Variants in CCDC174 observed in about 807,000 individuals in gnomAD.
CCDC174 encodes the protein coiled-coil domain containing 174, also known as coiled-coil domain-containing protein 174.
CCDC174 carries 37 observed loss-of-function variants against 57.1 expected under a neutral mutation model. That is an observed-to-expected ratio of 0.65 (90% confidence interval 0.50 to 0.85). The LOEUF is 0.85. CCDC174 is among the 40% of genes least tolerant of loss of function. The pLI is 0.00. For missense variants in CCDC174, 540 were observed against 574.3 expected, an observed-to-expected ratio of 0.94 and a Z score of 0.61; for synonymous variants, 182 against 190.2, an observed-to-expected ratio of 0.96 and a Z score of 0.35.
At chr3:14,665,158 T>C in intron 6 of CCDC174, 35 bp downstream of exon 6, 1 of 1,434,816 alleles carries the variant, frequency 7.0e-7, no homozygotes, top group Non-Finnish European at 9.8e-7. Flanking sequence ...TCTGCCAAGG[T>C]CTGAAATGCA....
intron 4 of CCDC174, among the ~76,000 whole-genome samples, 179 bp from the exon 5 acceptor site, chr3:14,661,351 G>A (rs1257302215): frequency 6.6e-6 from 1 of 151,978 alleles, no homozygotes; most frequent in Non-Finnish European, 1.5e-5. Flanking sequence ...ATTTTTTTGT[G>A]TAGTATATGT....
At position 14,670,817 on chromosome 3, in the gene CCDC174, A is replaced by C. The variant is rs149545913; in HGVS notation, c.1106-79A>C. ...TGTGGTGGCTTTTAAGAAATATATGATACAATTAGATAATAGTAACAATAA... is the reference window on the plus strand; with the variant it reads ...TGTGGTGGCTTTTAAGAAATATATGCTACAATTAGATAATAGTAACAATAA... On this transcript the variant is annotated intron_variant, in intron 10 of 10. Coordinates refer to ENST00000383794, the MANE Select transcript of CCDC174 (RefSeq NM_016474.5). 287 of 1,198,294 alleles carry C rather than the reference A, an allele frequency of 2.4e-4. 1 individual carries two copies. In the African/African-American group the frequency reaches 4.1e-3, roughly 17 times the overall value. The allele number at this position is 1,198,294 out of a possible 1,614,324, so 74.2% of individuals were successfully genotyped here.
At position 14,671,001 on chromosome 3, in the gene CCDC174, G is replaced by C. The variant is rs755074520; in HGVS notation, c.1211G>C (p.Gly404Ala). The change falls in exon 11 of 11, where the codon GGT (glycine) becomes GCT (alanine). Residue 404 changes from glycine to alanine, a missense_variant. By Grantham distance (60) the Gly-to-Ala change is moderately conservative. Coordinates refer to ENST00000383794, the MANE Select transcript of CCDC174 (RefSeq NM_016474.5). ...TACTTTGTGGGTCAGAAGAGAACTGGTTTTTCCAGCAGCCAGGCATGGAGC... is the reference window on the plus strand; with the variant it reads ...TACTTTGTGGGTCAGAAGAGAACTGCTTTTTCCAGCAGCCAGGCATGGAGC... The part of the protein sequence containing the change: ...SDYFVGQKRT[G>A]FSSSQAWSRP... 6.2e-7 allele frequency: 1 copy of C among 1,614,184 alleles called. No individual in the cohort carries two copies. The highest frequency in any genetic ancestry group is 1.1e-5 in the South Asian group (1 of 91,082).
At position 14,671,613 on chromosome 3, in the gene CCDC174, A is replaced by G. The variant is rs1404239529; in HGVS notation, c.*419A>G. 1 of 157,620 alleles carries G rather than the reference A, an allele frequency of 6.3e-6. No homozygotes were observed. Among genetic ancestry groups the G allele is most frequent in the Non-Finnish European group, 1.4e-5 (1 of 71,880 alleles). 9.8% of individuals were successfully genotyped at this position (157,620 alleles called of 1,614,324 possible). A position where few individuals can be genotyped will look rare whatever the true frequency, so the allele number is the denominator to read the frequency against. ...CAGATCAGCCGATGGACCATAGGTC[A>G]CGAGGAATTTCTCCCTGTCAAGCAG... On this transcript the variant is annotated 3_prime_UTR_variant, in exon 11 of 11. Transcript: ENST00000383794.
At position 14,671,428 on chromosome 3, in the gene CCDC174, C is replaced by T. The variant is rs892668373; in HGVS notation, c.*234C>T. Reference sequence around the variant, plus strand: ...CCTACCTGGATTTACATGTGAGCTGCGATAGAATAGAAGTATTTATTCTGT... The same window carrying T: ...CCTACCTGGATTTACATGTGAGCTGTGATAGAATAGAAGTATTTATTCTGT... On this transcript the variant is annotated 3_prime_UTR_variant, in exon 11 of 11. Coordinates refer to ENST00000383794, the MANE Select transcript of CCDC174 (RefSeq NM_016474.5). 1.4e-5 allele frequency: 7 copies of T among 507,492 alleles called. No homozygotes were observed. The highest frequency in any genetic ancestry group is 6.2e-5 in the South Asian group (2 of 32,004). The allele number at this position is 507,492 out of a possible 1,614,324, so 31.4% of individuals were successfully genotyped here. A position where few individuals can be genotyped will look rare whatever the true frequency, so the allele number is the denominator to read the frequency against.
At chr3:14,669,890 T>G in intron 9 of CCDC174, 44 bp from the exon 10 acceptor site, 1 of 1,596,528 alleles carries the variant, frequency 6.3e-7, no homozygotes, top group South Asian at 1.1e-5. Context: ...AAAAATAGCT[T>G]TAGGCTTTTT....
At chr3:14,669,858 G>A in intron 9 of CCDC174, 76 bp from the exon 10 acceptor site, 1 of 1,451,422 alleles carries the variant, frequency 6.9e-7, no homozygotes, top group African/African-American at 1.4e-5. Context: ...TTACTTTCAG[G>A]ATTAGCATGT....
chr3:14,665,186 G>T, intron 6 of CCDC174, 63 bp downstream of exon 6: 1 of 1,082,414 alleles, frequency 9.2e-7, no homozygotes, highest in Admixed American at 1.7e-5. Context: ...GGATTGTTTT[G>T]TGAGGGGAGG....
At position 14,670,080 on chromosome 3, in the gene CCDC174, G is replaced by A. The variant is rs950289334; in HGVS notation, c.1099G>A (p.Gly367Arg). 6.8e-6 allele frequency: 11 copies of A among 1,609,010 alleles called. No individual in the cohort carries two copies. The highest frequency in any genetic ancestry group is 1.1e-5 in the South Asian group (1 of 90,058). ...GCCACACATCCGGGAGTGGGACCGC[G>A]GAAAAGGTAAGGGAGGTGGGCTCTG... ...GVPHIREWDR[G>R]KEFSFGYWSK... Residue 367 changes from glycine (G) to arginine (R), a missense_variant, in exon 10 of 11, where the codon GGA becomes AGA. Coordinates refer to ENST00000383794, the MANE Select transcript of CCDC174 (RefSeq NM_016474.5).
intron 4 of CCDC174, among the ~76,000 whole-genome samples, chr3:14,660,132 A>G (rs1369776830): frequency 6.6e-6 from 1 of 152,234 alleles, no homozygotes; most frequent in Non-Finnish European, 1.5e-5. Flanking sequence ...ATGGCCGCCT[A>G]CCAGGAGGCC....
intron 6 of CCDC174, among the ~76,000 whole-genome samples, chr3:14,666,555 C>T (rs1042062614): frequency 1.3e-5 from 2 of 151,042 alleles, no homozygotes; most frequent in South Asian, 2.1e-4. Flanking sequence ...CCTGGGAAGC[C>T]GAGGTTGCAG....
chr3:14,666,227 A>G (rs2031334581), intron 6 of CCDC174, among the ~76,000 whole-genome samples: 1 of 152,104 alleles, frequency 6.6e-6, no homozygotes. Context: ...GCCACCTCCC[A>G]TCTGGTCAGC....
chr3:14,666,184 G>A (rs536482720), intron 6 of CCDC174, among the ~76,000 whole-genome samples: 64 of 152,288 alleles, frequency 4.2e-4, no homozygotes, highest in African/African-American at 1.3e-3. Flanking sequence ...ACCATCCACA[G>A]GAGGAGACCC....
Position 14,671,242 on chromosome 3 carries a change from T to TC in CCDC174, c.*49dup. Reference sequence around the variant, plus strand: ...GGTTTGTACTTTGACAGTGCCTTTCTCTCCCAGAGGGAGAAATAACTTTAG... The same window carrying TC: ...GGTTTGTACTTTGACAGTGCCTTTCTCCTCCCAGAGGGAGAAATAACTTTAG... On this transcript the variant is annotated 3_prime_UTR_variant, in exon 11 of 11. Transcript: ENST00000383794. 1 of 1,522,752 alleles carries TC rather than the reference T, an allele frequency of 6.6e-7. No individual in the cohort carries two copies. The highest frequency in any genetic ancestry group is 8.9e-7 in the Non-Finnish European group (1 of 1,118,918). 94.3% of individuals were successfully genotyped at this position (1,522,752 alleles called of 1,614,324 possible). A position where few individuals can be genotyped will look rare whatever the true frequency, so the allele number is the denominator to read the frequency against.
intron 1 of CCDC174, among the ~76,000 whole-genome samples, chr3:14,653,074 T>C (rs1575067095): frequency 6.6e-6 from 1 of 152,148 alleles, no homozygotes; most frequent in East Asian, 1.9e-4. Context: ...GGAAAACATA[T>C]AGGTGTCCCA....
At chr3:14,657,158 G>C (rs960801350) in intron 3 of CCDC174, among the ~76,000 whole-genome samples, 1 of 152,096 alleles carries the variant, frequency 6.6e-6, no homozygotes, top group African/African-American at 2.4e-5. Flanking sequence ...TTGGCACTTT[G>C]CTGTGCTTTT....
At chr3:14,652,774 C>T (rs1426585647) in intron 1 of CCDC174, among the ~76,000 whole-genome samples, 1 of 152,046 alleles carries the variant, frequency 6.6e-6, no homozygotes. Context: ...TGGTGGTGCA[C>T]GCCTGTAATC....
At chr3:14,669,871 T>C in intron 9 of CCDC174, 63 bp from the exon 10 acceptor site, 1 of 1,531,026 alleles carries the variant, frequency 6.5e-7, no homozygotes, top group East Asian at 2.3e-5. Flanking sequence ...TAGCATGTTC[T>C]GTATTTTTAA....
chr3:14,665,584 C>T (rs766293669), intron 6 of CCDC174, among the ~76,000 whole-genome samples: 10 of 152,130 alleles, frequency 6.6e-5, no homozygotes, highest in East Asian at 1.9e-4. Context: ...AACTCTAAAA[C>T]GTAAGACCTA....
Sources: gnomAD v4.1 joint callset for allele counts (sites outside exome capture counted in the v4.1 genomes callset) on GRCh38, gnomAD v4.1.1 for gene constraint, MANE v1.5 for transcripts, NCBI Gene and HGNC (gene_info 2026-07-23, HGNC 2026-07-21) for gene names.